The following NAA25 variants were observed in gnomAD, a reference collection of about 807,000 sequenced individuals.
NAA25 encodes N-terminal acetyltransferase B complex subunit NAA25.
NAA25 carries 30 observed loss-of-function variants against 132.5 expected under a neutral mutation model. The observed-to-expected ratio is 0.23, with a 90% CI of 0.17 to 0.31. The LOEUF is 0.31. Ranked by LOEUF, NAA25 falls within the 10% of genes least tolerant of loss-of-function variation. The pLI, the probability that NAA25 is intolerant of heterozygous loss-of-function variation, is 1.00. For missense variants in NAA25, 771 were observed against 1,150.4 expected (o/e 0.67, Z 4.77); for synonymous variants, 359 against 401.9 (o/e 0.89, Z 1.28).
chr12:112,074,719 A>G lies in NAA25; in HGVS notation c.822T>C (p.Phe274=), dbSNP rs1348335936. Residue 274 remains phenylalanine, a synonymous_variant, in exon 9 of 24, where the codon TTT becomes TTC. Transcript: ENST00000261745. ...GACTCCAGGCCTCTTCAATCAGTCG[A>G]AAGACAGAATCGAAATAAGTCAGAT... ...QFYLTYFDSV[F]RLIEEAWSPP... The G allele has an allele frequency of 1.9e-6, 3 of 1,612,108 alleles. No homozygotes were observed. The Admixed American group carries it at 5.0e-5, about 27-fold the overall frequency.
chr12:112,074,196 C>T (rs2078859176), intron 9 of NAA25, among the ~76,000 whole-genome samples: 1 of 151,896 alleles, frequency 6.6e-6, no homozygotes, highest in African/African-American at 2.4e-5. Flanking sequence ...CAAAAAGTAG[C>T]TGAGCACGGC....
At chr12:112,099,092 T>C (rs1031517629) in intron 1 of NAA25, among the ~76,000 whole-genome samples, 1 of 151,930 alleles carries the variant, frequency 6.6e-6, no homozygotes, top group Non-Finnish European at 1.5e-5. Context: ...ATTAAAGCAA[T>C]TCTCCTGCCT....
rs922214410 is a variant in NAA25 at position 112,043,883 on chromosome 12, T to A, written c.2007-15A>T. Reference sequence around the variant, plus strand: ...CAGAAACGTCCCTTAAACAGAAACATCCCCAAATTATCTAACTTATTCAAT... The same window carrying A: ...CAGAAACGTCCCTTAAACAGAAACAACCCCAAATTATCTAACTTATTCAAT... On this transcript the variant is annotated splice_polypyrimidine_tract_variant and intron_variant, in intron 17 of 23. Transcript: ENST00000261745. 9 of 1,603,200 alleles carry A rather than the reference T, an allele frequency of 5.6e-6. No homozygotes were observed. The African/African-American group carries it at 1.2e-4, about 22-fold the overall frequency.
chr12:112,039,166 G>A, intron 22 of NAA25, 63 bp downstream of exon 22: 2 of 1,041,116 alleles, frequency 1.9e-6, no homozygotes, highest in South Asian at 3.4e-5. Context: ...GGAAAACAGT[G>A]AAAAGAAAAA....
chr12:112,108,467 GC>G (rs899978225), intron 1 of NAA25, among the ~76,000 whole-genome samples: 10 of 152,174 alleles, frequency 6.6e-5, no homozygotes, highest in African/African-American at 2.4e-4. Flanking sequence ...GTCCCACGGG[GC>G]CTGCCAAGCA....
In NAA25 at chr12:112,029,310, A is replaced by C; in HGVS notation, c.*221T>G. ...GCCATATGCATATGAACATGTATAA[A>C]AAGTGGTCAAACCCAGATGAGGGTC... On this transcript the variant is annotated 3_prime_UTR_variant, in exon 24 of 24. Coordinates refer to ENST00000261745, the MANE Select transcript of NAA25 (RefSeq NM_024953.4). 1.7e-6 allele frequency: 1 copy of C among 582,444 alleles called. No homozygotes were observed. The highest frequency in any genetic ancestry group is 2.9e-6 in the Non-Finnish European group (1 of 345,228). 36.1% of individuals were successfully genotyped at this position (582,444 alleles called of 1,614,324 possible).
intron 14 of NAA25, 128 bp downstream of exon 14, chr12:112,054,260 A>T: frequency 1.2e-6 from 1 of 828,758 alleles, no homozygotes; most frequent in Non-Finnish European, 1.9e-6. Flanking sequence ...TTTGCAATGG[A>T]TCATAACAGG....
chr12:112,082,820 C>T (rs1566025172), intron 4 of NAA25, among the ~76,000 whole-genome samples: 1 of 151,668 alleles, frequency 6.6e-6, no homozygotes, highest in Non-Finnish European at 1.5e-5. Flanking sequence ...GGTAACGATA[C>T]ATATAAAACT....
chr12:112,054,950 A>G (rs184069907), intron 13 of NAA25, among the ~76,000 whole-genome samples: 85 of 152,318 alleles, frequency 5.6e-4, no homozygotes, highest in Middle Eastern at 3.4e-3. Flanking sequence ...TGTTATCTAT[A>G]GACATCATTT....
chr12:112,045,443 C>T (rs1378495651), intron 17 of NAA25, among the ~76,000 whole-genome samples: 4 of 145,578 alleles, frequency 2.7e-5, no homozygotes, highest in Non-Finnish European at 4.5e-5. Context: ...GCCGAGATTG[C>T]GCCACCGCAC....
intron 2 of NAA25, among the ~76,000 whole-genome samples, chr12:112,091,607 C>T (rs1398190534): frequency 6.6e-6 from 1 of 151,652 alleles, no homozygotes; most frequent in Non-Finnish European, 1.5e-5. Context: ...GTAGGAGGAT[C>T]GCTTGAGTCC....
chr12:112,102,548 A>C (rs1388626916), intron 1 of NAA25, among the ~76,000 whole-genome samples: 1 of 152,184 alleles, frequency 6.6e-6, no homozygotes, highest in Non-Finnish European at 1.5e-5. Flanking sequence ...TGAATTATTC[A>C]GCTAAGACAG....
chr12:112,057,825 C>CA (rs1461330623), intron 13 of NAA25, among the ~76,000 whole-genome samples: 1 of 152,094 alleles, frequency 6.6e-6, no homozygotes, highest in Non-Finnish European at 1.5e-5. Flanking sequence ...CCTAAAAATA[C>CA]AAAAAATTAG....
At position 112,043,120 on chromosome 12, in the gene NAA25, T is replaced by C. The variant is rs145000175; in HGVS notation, c.2342A>G (p.Asn781Ser). The change falls in exon 19 of 24, where the codon AAT (asparagine) becomes AGT (serine). Residue 781 changes from asparagine to serine, a missense_variant. By Grantham distance (46) the Asn-to-Ser change is conservative. This residue lies in a region of NAA25 where 324 missense variants were observed against 400.0 expected (regional missense o/e 0.81). Coordinates refer to ENST00000261745, the MANE Select transcript of NAA25 (RefSeq NM_024953.4). ...QCQISSFYLV[N>S]DIYELDTSGL... is the part of the protein sequence containing the mutation. ...ACTGGTATCCAGCTCATAAATATCA[T>C]TGACAAGATAAAAAGAGCTTATCTG... 5.2e-5 allele frequency: 84 copies of C among 1,612,760 alleles called. No individual in the cohort carries two copies. The highest frequency in any genetic ancestry group is 5.2e-4 in the Admixed American group (31 of 59,840).
intron 22 of NAA25, among the ~76,000 whole-genome samples, chr12:112,038,260 C>T (rs1448914103): frequency 5.3e-5 from 8 of 152,086 alleles, no homozygotes; most frequent in African/African-American, 1.9e-4. Flanking sequence ...GTGATCTGCC[C>T]GTCTCGGCCT....
intron 10 of NAA25, among the ~76,000 whole-genome samples, chr12:112,069,709 A>G (rs2078774750): frequency 6.6e-6 from 1 of 151,830 alleles, no homozygotes; most frequent in Non-Finnish European, 1.5e-5. Flanking sequence ...AATCCCAGCT[A>G]CTAGGGAGGC....
chr12:112,086,925 T>C (rs1040704745), intron 4 of NAA25, among the ~76,000 whole-genome samples: 1 of 145,072 alleles, frequency 6.9e-6, no homozygotes, highest in African/African-American at 2.6e-5. Context: ...GCAGAATAGC[T>C]TGAACCCAGG....
chr12:112,108,588 G>A (rs2079401290), intron 1 of NAA25, 128 bp downstream of exon 1: 10 of 1,040,020 alleles, frequency 9.6e-6, no homozygotes, highest in Admixed American at 9.8e-5. Flanking sequence ...CTAGTGGCCC[G>A]CGCGGCCCGC....
intron 1 of NAA25, among the ~76,000 whole-genome samples, chr12:112,094,942 G>A (rs2079190307): frequency 6.6e-6 from 1 of 151,934 alleles, no homozygotes; most frequent in South Asian, 2.1e-4. Context: ...GTACATGTGT[G>A]AAAGGAGTGT....
Sources: gnomAD v4.1 joint callset for allele counts (sites outside exome capture counted in the v4.1 genomes callset) on GRCh38, gnomAD v4.1.1 for gene constraint, gnomAD v4.1.1 regional missense constraint, MANE v1.5 for transcripts, NCBI Gene and HGNC (gene_info 2026-07-23, HGNC 2026-07-21) for gene names.